WAC: variants seen among roughly 807,000 people sequenced by gnomAD.
The protein encoded by WAC is WW domain containing adaptor with coiled-coil.
In WAC, 11 loss-of-function variants were observed where a neutral mutation model predicts 79.6. The observed-to-expected ratio is 0.14, with a 90% CI of 0.09 to 0.23. WAC has a LOEUF of 0.23. Ranked by LOEUF, WAC falls within the 10% of genes least tolerant of loss-of-function variation. WAC has a pLI of 1.00. For synonymous variants in WAC, 304 were observed against 276.9 expected, an observed-to-expected ratio of 1.10 and a Z score of -0.97; for missense variants, 728 against 773.5, an observed-to-expected ratio of 0.94 and a Z score of 0.70.
At chr10:28,595,093 CAT>C (rs1840288509) in intron 6 of WAC, among the ~76,000 whole-genome samples, 1 of 152,306 alleles carries the variant, frequency 6.6e-6, no homozygotes, top group African/African-American at 2.4e-5. Context: ...CATTATGCAT[CAT>C]GATTTTATTA....
intron 2 of WAC, chr10:28,534,448 T>A (rs1244551478): frequency 5.8e-6 from 1 of 172,008 alleles, no homozygotes; most frequent in Non-Finnish European, 1.2e-5. Context: ...AATAGCTAAA[T>A]GACTTACAAC....
intron 3 of WAC, among the ~76,000 whole-genome samples, chr10:28,554,983 A>G (rs1279015653): frequency 6.6e-6 from 1 of 152,184 alleles, no homozygotes; most frequent in Non-Finnish European, 1.5e-5. Context: ...CCGTTATCAC[A>G]TATAATAGTT....
At chr10:28,542,570 A>C (rs1294676386) in intron 3 of WAC, among the ~76,000 whole-genome samples, 1 of 152,212 alleles carries the variant, frequency 6.6e-6, no homozygotes, top group Non-Finnish European at 1.5e-5. Context: ...CTTCTTGTGA[A>C]AGTGGCCACT....
At chr10:28,615,490 C>T (rs537850088) in intron 11 of WAC, 3 of 152,272 alleles carry the variant, frequency 2.0e-5, no homozygotes, top group East Asian at 1.9e-4. Flanking sequence ...TAAATATCCT[C>T]AGTGATGAAA....
chr10:28,556,699 A>G (rs1220319537), intron 3 of WAC, among the ~76,000 whole-genome samples: 1 of 152,012 alleles, frequency 6.6e-6, no homozygotes, highest in East Asian at 1.9e-4. Context: ...CTCAGACCTT[A>G]TATTTTCAGT....
chr10:28,570,175 C>CTATT (rs1838866938), intron 3 of WAC, among the ~76,000 whole-genome samples: 1 of 152,120 alleles, frequency 6.6e-6, no homozygotes, highest in Non-Finnish European at 1.5e-5. Context: ...CTCTTTAATA[C>CTATT]CACATATTTT....
At position 28,559,920 on chromosome 10, in the gene WAC, C is replaced by G. The variant is rs1838211361; in HGVS notation, c.275-23479C>G. ...AAGGGCTAGATCATGTAAGGTCTTG[C>G]AGGCTTTTGGAAAGGATTTTGGTTT... On this transcript the variant is annotated intron_variant, in intron 3 of 13. Coordinates refer to ENST00000354911, the MANE Select transcript of WAC (RefSeq NM_016628.5). Among the ~76,000 whole-genome samples the G allele has an allele frequency of 2.0e-5, 3 of 152,134 alleles. No homozygotes were observed. The South Asian group carries it at 6.2e-4, about 31-fold the overall frequency.
chr10:28,580,196 T>G (rs191473025), intron 3 of WAC, among the ~76,000 whole-genome samples: 149 of 152,302 alleles, frequency 9.8e-4, no homozygotes, highest in African/African-American at 3.5e-3. Context: ...ATGACTTGAT[T>G]ATTATGCTGT....
At chr10:28,606,621 C>G in intron 7 of WAC, among the ~76,000 whole-genome samples, 1 of 152,132 alleles carries the variant, frequency 6.6e-6, no homozygotes, top group East Asian at 1.9e-4. Context: ...TGTAAAAAGA[C>G]TCATAGGGGA....
At chr10:28,566,952 G>GTT (rs35250089) in intron 3 of WAC, among the ~76,000 whole-genome samples, 92 of 136,340 alleles carry the variant, frequency 6.7e-4, no homozygotes, top group Admixed American at 1.4e-3. Context: ...TGTCCTCCCT[G>GTT]TTTTTTTTTT....
intron 3 of WAC, among the ~76,000 whole-genome samples, chr10:28,536,489 TTTTCAGGATAG>T (rs1327162773): frequency 2.0e-5 from 3 of 152,336 alleles, no homozygotes; most frequent in East Asian, 3.9e-4. Flanking sequence ...TCATTATGTT[TTTTCAGGATAG>T]TTCCCAGATT....
At chr10:28,570,857 C>G (rs1838911974) in intron 3 of WAC, among the ~76,000 whole-genome samples, 1 of 151,026 alleles carries the variant, frequency 6.6e-6, no homozygotes, top group Admixed American at 6.6e-5. Flanking sequence ...GGAAAGAACT[C>G]TGTGGCTTTA....
chr10:28,611,702 A>G (rs1290638168), intron 9 of WAC, 72 bp from the exon 10 acceptor site: 1 of 1,552,326 alleles, frequency 6.4e-7, no homozygotes, highest in African/African-American at 1.4e-5. Context: ...TTTGCCACAT[A>G]TATTACAAAG....
At chr10:28,609,484 T>G (rs1035107210) in intron 8 of WAC, among the ~76,000 whole-genome samples, 11 of 146,198 alleles carry the variant, frequency 7.5e-5, no homozygotes, top group African/African-American at 2.7e-4. Context: ...AGTTGGTCAT[T>G]AGTCTGTTCT....
intron 3 of WAC, among the ~76,000 whole-genome samples, chr10:28,537,175 C>T (rs1159574631): frequency 1.3e-5 from 2 of 152,200 alleles, no homozygotes; most frequent in African/African-American, 2.4e-5. Context: ...GCTATTTATG[C>T]AGATAAACCA....
intron 3 of WAC, among the ~76,000 whole-genome samples, chr10:28,538,836 C>A (rs1261260995): frequency 7.1e-6 from 1 of 141,214 alleles, no homozygotes; most frequent in Non-Finnish European, 1.5e-5. Flanking sequence ...CACACTCTAA[C>A]CTGGGTTGAT....
intron 3 of WAC, among the ~76,000 whole-genome samples, chr10:28,548,424 C>G (rs1837484764): frequency 6.6e-6 from 1 of 152,040 alleles, no homozygotes; most frequent in African/African-American, 2.4e-5. Flanking sequence ...ATAGTAAGTA[C>G]AGTAGTTAGA....
rs1009117955 is a variant in WAC, at chr10:28,621,381, T to C, written c.*1775T>C. On this transcript the variant is annotated 3_prime_UTR_variant, in exon 14 of 14. Coordinates refer to ENST00000354911, the MANE Select transcript of WAC (RefSeq NM_016628.5). Reference sequence around the variant, plus strand: ...GTGCTTTAAGCATATATTGAAAGTATGGAAGTTAAATGTTCAGGCTTTTCA... The same window carrying C: ...GTGCTTTAAGCATATATTGAAAGTACGGAAGTTAAATGTTCAGGCTTTTCA... 2 of 152,180 alleles carry C rather than the reference T, an allele frequency of 1.3e-5. No individual in the cohort carries two copies. Among genetic ancestry groups the C allele is most frequent in the African/African-American group, 2.4e-5 (1 of 41,432 alleles). 9.4% of individuals were successfully genotyped at this position (152,180 alleles called of 1,614,324 possible). A position where few individuals can be genotyped will look rare whatever the true frequency, so the allele number is the denominator to read the frequency against.
chr10:28,558,005 C>T lies in WAC; in HGVS notation c.274+22248C>T, dbSNP rs1204409448. On this transcript the variant is annotated intron_variant, in intron 3 of 13. Coordinates refer to ENST00000354911, the MANE Select transcript of WAC (RefSeq NM_016628.5). ...AAGAGAATTGCTTGAACCCAGGAGG[C>T]GGAAGTTGCAGTGAGCCTAGATTGT... Among the ~76,000 whole-genome samples the T allele has an allele frequency of 3.3e-5, 5 of 151,984 alleles. No homozygotes were observed. The East Asian group carries it at 7.8e-4, about 24-fold the overall frequency.
Sources: allele counts gnomAD v4.1 joint callset (sites outside exome capture counted in the v4.1 genomes callset), GRCh38; gene constraint gnomAD v4.1.1; transcripts MANE v1.5; gene names NCBI Gene and HGNC (gene_info 2026-07-23, HGNC 2026-07-21).